Variants in INTS1 observed in about 807,000 individuals in gnomAD.
INTS1 encodes integrator complex subunit 1.
In INTS1, 137 loss-of-function variants were observed where a neutral mutation model predicts 241.6. The ratio of observed to expected loss-of-function variants is 0.57; its 90% CI spans 0.49 to 0.65. INTS1 has a LOEUF of 0.65. Ranked by LOEUF, INTS1 falls within the 30% of genes least tolerant of loss-of-function variation. The pLI is 0.00. For synonymous variants in INTS1, 1,692 were observed against 1,337.8 expected, an observed-to-expected ratio of 1.26 and a Z score of -5.78; for missense variants, 3,073 against 3,032.2, an observed-to-expected ratio of 1.01 and a Z score of -0.32.
intron 10 of INTS1, among the ~76,000 whole-genome samples, chr7:1,498,189 G>C (rs958864192): frequency 2.6e-5 from 4 of 152,242 alleles, no homozygotes; most frequent in Non-Finnish European, 5.9e-5. Flanking sequence ...TAAATGGACA[G>C]AGTGTCAGTT....
intron 45 of INTS1, 117 bp downstream of exon 45, chr7:1,471,454 A>G: frequency 8.3e-7 from 1 of 1,203,844 alleles, no homozygotes; most frequent in South Asian, 1.3e-5. Context: ...CCCGAAGCCC[A>G]GCCTCAGAGG....
Position 1,485,440 on chromosome 7 carries a change from G to A in INTS1, c.3006C>T (p.Ser1002=). ...KGLSLVLSEG[S]LRDGEEKEPP... Reference sequence around the variant, plus strand: ...GCTCCTTCTCCTCCCCGTCCCGCAGGCTGCCCTCCGAAAGCACCAGCGACA... The same window carrying A: ...GCTCCTTCTCCTCCCCGTCCCGCAGACTGCCCTCCGAAAGCACCAGCGACA... The change falls in exon 23 of 48, where the codon AGC becomes AGT. Residue 1002 remains serine (S), a synonymous_variant. Coordinates refer to ENST00000404767, the MANE Select transcript of INTS1 (RefSeq NM_001080453.3). 6.2e-7 allele frequency: 1 copy of A among 1,612,602 alleles called. No individual in the cohort carries two copies. The highest frequency in any genetic ancestry group is 8.5e-7 in the Non-Finnish European group (1 of 1,179,808).
intron 35 of INTS1, 32 bp from the exon 36 acceptor site, chr7:1,476,950 C>A: frequency 6.3e-7 from 1 of 1,593,176 alleles, no homozygotes; most frequent in Non-Finnish European, 8.5e-7. Context: ...CGGATGGCCT[C>A]ACCTGGGCCA....
chr7:1,484,768 GGAGT>G (rs1252368922), intron 24 of INTS1, among the ~76,000 whole-genome samples: 2 of 152,174 alleles, frequency 1.3e-5, no homozygotes, highest in Admixed American at 6.5e-5. Context: ...AAGGCTCCAG[GGAGT>G]GAGTGGTGAC....
At chr7:1,502,271 C>A (rs1349826222) in intron 3 of INTS1, among the ~76,000 whole-genome samples, 1 of 152,142 alleles carries the variant, frequency 6.6e-6, no homozygotes, top group East Asian at 1.9e-4. Flanking sequence ...GGTGCGATAG[C>A]TGCCAGAGCG....
In INTS1 at chr7:1,499,911, G is replaced by T. The variant is rs751772411; in HGVS notation, c.657C>A (p.Asp219Glu). The change falls in exon 5 of 48, where the codon GAC (aspartate) becomes GAA (glutamate). Residue 219 changes from aspartate (D) to glutamate (E), a missense_variant. Transcript: ENST00000404767. ...TGACAAAGATCTCGGGCCAGTTCTC[G>T]TCCTCCTCGTAGGCGGCCATGAGGA... ...CNLLMAAYEE[D>E]ENWPEIFVKV... 1.2e-6 allele frequency: 2 copies of T among 1,613,368 alleles called. No homozygotes were observed. Among genetic ancestry groups the T allele is most frequent in the Non-Finnish European group, 1.7e-6 (2 of 1,179,630 alleles).
rs994114488 is a variant in INTS1 at position 1,474,325 on chromosome 7, C to T, written c.5672G>A (p.Arg1891His). The change falls in exon 41 of 48, where the codon CGC (arginine) becomes CAC (histidine). Residue 1891 changes from arginine (R) to histidine (H), a missense_variant. Physicochemically the swap from Arg to His is conservative, Grantham distance 29. Transcript: ENST00000404767. ...GAACTCCTGGAAGTTGAGGTGGGTG[C>T]GGCCGTGCAGGAGCGCCGCGATCAT... Reference protein sequence around the residue: ...LPMIAALLHGRTHLNFQEFRQ... With the variant: ...LPMIAALLHGHTHLNFQEFRQ... The T allele has an allele frequency of 6.2e-6, 10 of 1,605,774 alleles. No individual in the cohort carries two copies. The highest frequency in any genetic ancestry group is 1.7e-5 in the Admixed American group (1 of 59,820).
In INTS1 at chr7:1,493,134, TG is replaced by T. The variant is rs1484339504; in HGVS notation, c.2069-29del. ...AAGACCAAGAGCCACACATGGGTTC[TG>T]GGGCTGCTCACAGACCATCAGGCAC... On this transcript the variant is annotated intron_variant, in intron 15 of 47. Coordinates refer to ENST00000404767, the MANE Select transcript of INTS1 (RefSeq NM_001080453.3). This position sits in a 1 kb window ranked among gnomAD's most constrained non-coding sequence, Gnocchi z 5.3. The T allele has an allele frequency of 6.7e-7, 1 of 1,492,060 alleles. No homozygotes were observed. The highest frequency in any genetic ancestry group is 2.8e-5 in the East Asian group (1 of 36,344). 92.4% of individuals were successfully genotyped at this position (1,492,060 alleles called of 1,614,324 possible). A position where few individuals can be genotyped will look rare whatever the true frequency, so the allele number is the denominator to read the frequency against.
Position 1,476,180 on chromosome 7 carries a change from C to T in INTS1, c.5378+49G>A, listed in dbSNP as rs1410657740. 3.3e-6 allele frequency: 5 copies of T among 1,532,790 alleles called. No individual in the cohort carries two copies. The African/African-American group carries it at 6.9e-5, about 21-fold the overall frequency. 94.9% of individuals were successfully genotyped at this position (1,532,790 alleles called of 1,614,324 possible). A position where few individuals can be genotyped will look rare whatever the true frequency, so the allele number is the denominator to read the frequency against. On this transcript the variant is annotated intron_variant, in intron 38 of 47. Coordinates refer to ENST00000404767, the MANE Select transcript of INTS1 (RefSeq NM_001080453.3). The stretch of plus-strand genomic sequence containing the variant: ...CCACCCAGGGCTGGGCCTCGACCCC[C>T]TCCATGGCTCACTCCCAGGCAGCAT...
intron 12 of INTS1, among the ~76,000 whole-genome samples, 183 bp downstream of exon 12, chr7:1,495,973 G>A (rs2128542805): frequency 6.6e-6 from 1 of 152,292 alleles, no homozygotes; most frequent in Middle Eastern, 3.4e-3. Context: ...CTGCAGCTGG[G>A]GTGAGGCCCG....
intron 40 of INTS1, 31 bp from the exon 41 acceptor site, chr7:1,474,391 C>T (rs200700165): frequency 2.0e-4 from 311 of 1,550,290 alleles, no homozygotes; most frequent in African/African-American, 1.4e-3. Flanking sequence ...CAGTCAGCCC[C>T]GGCCGGCGGG....
In INTS1 at chr7:1,489,731, G is replaced by A. The variant is rs760186271; in HGVS notation, c.2166-49C>T. The A allele has an allele frequency of 7.4e-6, 10 of 1,346,094 alleles. No individual in the cohort carries two copies. The East Asian group carries it at 7.6e-5, about 10-fold the overall frequency. The allele number at this position is 1,346,094 out of a possible 1,614,324, so 83.4% of individuals were successfully genotyped here. On this transcript the variant is annotated intron_variant, in intron 16 of 47. Transcript: ENST00000404767. ...TCAGGCCCAGCGCACCAAGCTCAGC[G>A]CCAAGGATCGGCCGGGCCAGGTGGC...
chr7:1,499,370 A>C lies in INTS1; in HGVS notation c.845-10T>G, dbSNP rs750376784. The C allele has an allele frequency of 1.3e-6, 2 of 1,568,934 alleles. No homozygotes were observed. Among genetic ancestry groups the C allele is most frequent in the Admixed American group, 1.8e-5 (1 of 56,542 alleles). On this transcript the variant is annotated splice_polypyrimidine_tract_variant and intron_variant, in intron 6 of 47. Transcript: ENST00000404767. ...GGGTGTGGGCTGCTCCCTGCAAACC[A>C]AGGAGAGGGCTCCATGCAGCGCCTC... is the stretch of plus-strand genomic sequence containing the variant.
At chr7:1,479,026 C>T in intron 31 of INTS1, 141 bp from the exon 32 acceptor site, 1 of 969,766 alleles carries the variant, frequency 1.0e-6, no homozygotes, top group South Asian at 1.7e-5. Flanking sequence ...CATCCCGCCT[C>T]CTGTCTGAAA....
At chr7:1,471,396 C>A (rs901812275) in intron 45 of INTS1, among the ~76,000 whole-genome samples, 172 bp from the exon 46 acceptor site, 1 of 152,210 alleles carries the variant, frequency 6.6e-6, no homozygotes, top group Non-Finnish European at 1.5e-5. Context: ...TGAAGGCAGG[C>A]CTGCTCTGGC....
At chr7:1,473,003 G>C (rs1004480237) in intron 43 of INTS1, 69 bp downstream of exon 43, 1 of 1,032,384 alleles carries the variant, frequency 9.7e-7, no homozygotes, top group Non-Finnish European at 1.4e-6. Context: ...CTGGCTGTGC[G>C]CTGGGAAAAC....
chr7:1,484,533 G>A (rs1455671027), intron 24 of INTS1, among the ~76,000 whole-genome samples: 1 of 152,230 alleles, frequency 6.6e-6, no homozygotes, highest in African/African-American at 2.4e-5. Flanking sequence ...GATGCAAAGT[G>A]AGAAGCAGCC....
chr7:1,492,059 G>T (rs1782580915), intron 16 of INTS1, among the ~76,000 whole-genome samples: 1 of 152,194 alleles, frequency 6.6e-6, no homozygotes, highest in East Asian at 1.9e-4. Context: ...GGAACTCAAG[G>T]TGGGGCAGCC....
Position 1,470,429 on chromosome 7 carries a change from G to C in INTS1, c.*148C>G. 1 of 588,844 alleles carries C rather than the reference G, an allele frequency of 1.7e-6. No homozygotes were observed. Among genetic ancestry groups the C allele is most frequent in the East Asian group, 3.2e-5 (1 of 31,242 alleles). The allele number at this position is 588,844 out of a possible 1,614,324, so 36.5% of individuals were successfully genotyped here. Reference sequence around the variant, plus strand: ...GCCCGGAGCCACCCCAGGGCTCGGAGTATTGCTCCTGGGCCTGCCTGGCCT... The same window carrying C: ...GCCCGGAGCCACCCCAGGGCTCGGACTATTGCTCCTGGGCCTGCCTGGCCT... On this transcript the variant is annotated 3_prime_UTR_variant, in exon 48 of 48. Coordinates refer to ENST00000404767, the MANE Select transcript of INTS1 (RefSeq NM_001080453.3).
Sources: gnomAD v4.1 joint callset for allele counts (sites outside exome capture counted in the v4.1 genomes callset) on GRCh38, gnomAD v4.1.1 for gene constraint, Gnocchi (gnomAD v3.1) non-coding constraint, MANE v1.5 for transcripts, NCBI Gene and HGNC (gene_info 2026-07-23, HGNC 2026-07-21) for gene names.